AMMECR1: variants seen among roughly 807,000 people sequenced by gnomAD.
AMMECR1 encodes the protein nuclear protein AMMECR1.
Under a neutral mutation model 22.5 loss-of-function variants are expected in AMMECR1, and 3 were observed. The observed-to-expected ratio is 0.13, with a 90% CI of 0.06 to 0.35. The LOEUF is 0.35. Among genes scored for constraint, AMMECR1 ranks in the 10% least tolerant of loss-of-function variants. The pLI, the probability that AMMECR1 is intolerant of heterozygous loss-of-function variation, is 1.00. For synonymous variants in AMMECR1, 130 were observed against 116.7 expected, an observed-to-expected ratio of 1.11 and a Z score of -0.74; for missense variants, 235 against 278.7, an observed-to-expected ratio of 0.84 and a Z score of 1.12.
At chrX:110,232,998 G>A (rs1343005254) in intron 2 of AMMECR1, among the ~76,000 whole-genome samples, 2 of 106,213 alleles carry the variant, frequency 1.9e-5, no homozygotes, top group African/African-American at 6.9e-5. Flanking sequence ...AACTGAAAGA[G>A]AGAGAGACAC....
At chrX:110,234,212 T>C (rs1382338019) in intron 2 of AMMECR1, among the ~76,000 whole-genome samples, 1 of 111,429 alleles carries the variant, frequency 9.0e-6, no homozygotes, top group Admixed American at 9.5e-5. Context: ...AAATCATGAG[T>C]GAACTCCCAT....
intron 2 of AMMECR1, among the ~76,000 whole-genome samples, chrX:110,217,541 A>ACACACG (rs56167616): frequency 1.9e-5 from 2 of 108,104 alleles, no homozygotes; most frequent in Admixed American, 2.0e-4. Context: ...ACACACACAC[A>ACACACG]GTGTGTGTTC....
chrX:110,245,854 G>A (rs1325097136), intron 2 of AMMECR1, among the ~76,000 whole-genome samples: 1 of 111,270 alleles, frequency 9.0e-6, no homozygotes, highest in African/African-American at 3.3e-5. Flanking sequence ...CTAAACCTTT[G>A]TAGGACCAGG....
At chrX:110,422,233 G>C (rs772216560) in intron 2 of AMMECR1, among the ~76,000 whole-genome samples, 8 of 112,554 alleles carry the variant, frequency 7.1e-5, no homozygotes, top group Admixed American at 1.9e-4. Context: ...ACCAGGAACT[G>C]TTCCCTCCCC....
At chrX:110,400,628 T>C (rs1209746686) in intron 2 of AMMECR1, among the ~76,000 whole-genome samples, 5 of 111,680 alleles carry the variant, frequency 4.5e-5, no homozygotes, top group South Asian at 3.8e-4. Context: ...GAATACACTC[T>C]CTTTCCTTGT....
At chrX:110,253,084 G>A (rs755948947) in intron 2 of AMMECR1, among the ~76,000 whole-genome samples, 4 of 112,249 alleles carry the variant, frequency 3.6e-5, no homozygotes, top group East Asian at 2.8e-4. Context: ...TGCTTGGTGT[G>A]TTCAAAGGGA....
chrX:110,214,901 T>C (rs2067465945), intron 3 of AMMECR1, among the ~76,000 whole-genome samples: 1 of 111,466 alleles, frequency 9.0e-6, no homozygotes, highest in Non-Finnish European at 1.9e-5. Flanking sequence ...TAAATCTGGC[T>C]GCGGAAGAGG....
intron 1 of AMMECR1, among the ~76,000 whole-genome samples, chrX:110,316,101 A>C (rs906846009): frequency 8.9e-5 from 10 of 112,316 alleles, no homozygotes; most frequent in African/African-American, 3.2e-4. Flanking sequence ...ACCAATGCCC[A>C]AAGATTAACC....
At chrX:110,359,803 G>A (rs780943529) in intron 2 of AMMECR1, among the ~76,000 whole-genome samples, 1 of 111,693 alleles carries the variant, frequency 9.0e-6, no homozygotes, top group African/African-American at 3.3e-5. Flanking sequence ...TGCCAAATGA[G>A]TGGTCTGGTC....
chrX:110,407,111 C>T (rs1257447298), intron 2 of AMMECR1, among the ~76,000 whole-genome samples: 1 of 112,198 alleles, frequency 8.9e-6, no homozygotes, highest in Non-Finnish European at 1.9e-5. Context: ...GTCACCTTTG[C>T]AGACAATTCT....
chrX:110,290,560 C>A (rs553154578), intron 1 of AMMECR1, among the ~76,000 whole-genome samples: 2 of 110,765 alleles, frequency 1.8e-5, no homozygotes, highest in Non-Finnish European at 3.8e-5. Context: ...TGATATGTAC[C>A]ACATATGAGT....
intron 1 of AMMECR1, among the ~76,000 whole-genome samples, chrX:110,435,271 T>TAG (rs1441922586): frequency 4.5e-5 from 5 of 111,434 alleles, no homozygotes; most frequent in Non-Finnish European, 9.4e-5. Context: ...TGGAGTTCTT[T>TAG]AGTGTGGGAG....
At chrX:110,404,908 T>C (rs1440711033) in intron 2 of AMMECR1, among the ~76,000 whole-genome samples, 1 of 111,684 alleles carries the variant, frequency 9.0e-6, no homozygotes, top group African/African-American at 3.3e-5. Flanking sequence ...AAAATACACA[T>C]AGTAGCATTT....
intron 2 of AMMECR1, among the ~76,000 whole-genome samples, chrX:110,373,348 C>T (rs957397438): frequency 8.9e-6 from 1 of 111,866 alleles, no homozygotes; most frequent in African/African-American, 3.3e-5. Flanking sequence ...CCAAAATTCA[C>T]AGTACCCACA....
intron 1 of AMMECR1, among the ~76,000 whole-genome samples, chrX:110,291,151 T>A (rs2067905990): frequency 9.0e-6 from 1 of 111,070 alleles, no homozygotes; most frequent in Non-Finnish European, 1.9e-5. Flanking sequence ...GGAAAGAAAA[T>A]ATAAAGATGA....
rs1348644925 is a variant in AMMECR1 at position 110,422,810 on chromosome X, A to G, written c.-148+3848T>C. ...AAGAAAAGAGATCTTCCCCAAACTC[A>G]CCTGCTCCTTGAAAATGCTATTCTG... is the stretch of plus-strand genomic sequence containing the variant. On this transcript the variant is annotated intron_variant, in intron 2 of 7. Coordinates refer to the AMMECR1 transcript ENST00000372057. Among the ~76,000 whole-genome samples, 6 of 111,748 alleles carry G rather than the reference A, an allele frequency of 5.4e-5. No homozygotes were observed. In the South Asian group the frequency reaches 2.3e-3, roughly 43 times the overall value.
At chrX:110,264,072 A>G (rs1216991346) in intron 2 of AMMECR1, among the ~76,000 whole-genome samples, 2 of 111,791 alleles carry the variant, frequency 1.8e-5, no homozygotes, top group Non-Finnish European at 3.8e-5. Flanking sequence ...TTCAATTTCA[A>G]AAGTCCTTAA....
intron 1 of AMMECR1, among the ~76,000 whole-genome samples, chrX:110,293,895 C>T (rs1261475854): frequency 9.0e-6 from 1 of 111,277 alleles, no homozygotes; most frequent in Non-Finnish European, 1.9e-5. Context: ...TTTGTTTATA[C>T]CTATATAAGG....
At chrX:110,209,367 G>A (rs758775084) in intron 3 of AMMECR1, among the ~76,000 whole-genome samples, 1 of 111,756 alleles carries the variant, frequency 8.9e-6, no homozygotes. Context: ...AGCAAAATAC[G>A]TATTCATAAA....
Sources: allele counts gnomAD v4.1 joint callset (sites outside exome capture counted in the v4.1 genomes callset), GRCh38; gene constraint gnomAD v4.1.1; transcripts MANE v1.5; gene names NCBI Gene and HGNC (gene_info 2026-07-23, HGNC 2026-07-21).